YWHAZ: variants seen among roughly 807,000 people sequenced by gnomAD.
YWHAZ encodes tyrosine 3-monooxygenase/tryptophan 5-monooxygenase activation protein zeta, also known as 14-3-3 protein zeta/delta.
For synonymous variants in YWHAZ, 87 were observed against 103.6 expected, an observed-to-expected ratio of 0.84 and a Z score of 0.97; for missense variants, 79 against 284.8, an observed-to-expected ratio of 0.28 and a Z score of 5.20.
intron 2 of YWHAZ, among the ~76,000 whole-genome samples, chr8:100,928,152 C>T (rs777256768): frequency 6.6e-6 from 1 of 151,562 alleles, no homozygotes; most frequent in African/African-American, 2.4e-5. Flanking sequence ...TGGTGGCGGG[C>T]GCCTGTAGTC....
chr8:100,917,468 C>G lies in YWHAZ; in HGVS notation c.*3225G>C, dbSNP rs542728211. On this transcript the variant is annotated 3_prime_UTR_variant, in exon 6 of 6. Coordinates refer to ENST00000395958, the MANE Select transcript of YWHAZ (RefSeq NM_145690.3). ...GGCACAGTGGCTCACGCCTGTAATC[C>G]CAGCACTTTGGGAGGCCGAGGTGGG... 2 of 152,350 alleles carry G rather than the reference C, an allele frequency of 1.3e-5. No individual in the cohort carries two copies. Among genetic ancestry groups the G allele is most frequent in the South Asian group, 2.1e-4 (1 of 4,824 alleles). 9.4% of individuals were successfully genotyped at this position (152,350 alleles called of 1,614,324 possible).
At chr8:100,936,871 C>T (rs1006873491) in intron 2 of YWHAZ, among the ~76,000 whole-genome samples, 1 of 152,008 alleles carries the variant, frequency 6.6e-6, no homozygotes, top group Admixed American at 6.6e-5. Flanking sequence ...TACAAAATAA[C>T]CAGCCAGTAC....
intron 1 of YWHAZ, 138 bp downstream of exon 1, chr8:100,951,791 T>A (rs1269232526): frequency 9.1e-6 from 9 of 985,010 alleles, no homozygotes; most frequent in Non-Finnish European, 1.1e-5. Flanking sequence ...CCGTGTCCGC[T>A]GAGGAGACTC....
chr8:100,945,052 T>C (rs989207441), intron 2 of YWHAZ, among the ~76,000 whole-genome samples: 1 of 152,192 alleles, frequency 6.6e-6, no homozygotes, highest in African/African-American at 2.4e-5. Flanking sequence ...GAGGTACTAG[T>C]GTTGAGTCCC....
At chr8:100,932,879 T>G (rs1813854641) in intron 2 of YWHAZ, among the ~76,000 whole-genome samples, 1 of 152,136 alleles carries the variant, frequency 6.6e-6, no homozygotes, top group South Asian at 2.1e-4. Context: ...AAAAAAAGTC[T>G]TTTTTCTTTT....
chr8:100,944,393 C>T (rs1407673124), intron 2 of YWHAZ, among the ~76,000 whole-genome samples: 1 of 152,112 alleles, frequency 6.6e-6, no homozygotes, highest in African/African-American at 2.4e-5. Context: ...CAAATAAAAA[C>T]GTAGAGCAGC....
chr8:100,920,772 T>C lies in YWHAZ; in HGVS notation c.679-20A>G. 7.6e-7 allele frequency: 1 copy of C among 1,321,746 alleles called. No individual in the cohort carries two copies. The highest frequency in any genetic ancestry group is 1.0e-6 in the Non-Finnish European group (1 of 992,836). The allele number at this position is 1,321,746 out of a possible 1,614,324, so 81.9% of individuals were successfully genotyped here. A position where few individuals can be genotyped will look rare whatever the true frequency, so the allele number is the denominator to read the frequency against. ...CCACAACTGGTAAAAGAAGGAAAGA[T>C]TTTTCAGCAAGTTTCAGTGGGATGG... On this transcript the variant is annotated intron_variant, in intron 5 of 5. Transcript: ENST00000395958.
At chr8:100,940,691 C>T (rs1158348274) in intron 2 of YWHAZ, among the ~76,000 whole-genome samples, 1 of 152,212 alleles carries the variant, frequency 6.6e-6, no homozygotes, top group Admixed American at 6.5e-5. Flanking sequence ...AACACCACCA[C>T]AGGGGTGTGT....
rs569913609 is a variant in YWHAZ, at chr8:100,928,935, A to G, written c.295-3896T>C. On this transcript the variant is annotated intron_variant, in intron 2 of 5. Coordinates refer to ENST00000395958, the MANE Select transcript of YWHAZ (RefSeq NM_145690.3). Reference sequence around the variant, plus strand: ...GCAAGAGGGAAGATTTCTGTTCAGTATGAGAAAACTTATGAGTGGTCCAGT... The same window carrying G: ...GCAAGAGGGAAGATTTCTGTTCAGTGTGAGAAAACTTATGAGTGGTCCAGT... Among the ~76,000 whole-genome samples the G allele has an allele frequency of 3.3e-5, 5 of 152,290 alleles. No individual in the cohort carries two copies. The South Asian group carries it at 8.3e-4, about 25-fold the overall frequency.
At chr8:100,949,142 A>G (rs1318552066) in intron 1 of YWHAZ, among the ~76,000 whole-genome samples, 2 of 152,218 alleles carry the variant, frequency 1.3e-5, no homozygotes, top group East Asian at 1.9e-4. Context: ...AAAACTTAAA[A>G]TTTGTTCAGA....
Position 100,948,059 on chromosome 8 carries a change from T to C in YWHAZ, c.294+537A>G, listed in dbSNP as rs923493705. ...TGTTCATAACCTTTCATCATGGTTG[T>C]GAGTGTTCAAAATTTACCTTCAAGA... On this transcript the variant is annotated intron_variant, in intron 2 of 5. Coordinates refer to ENST00000395958, the MANE Select transcript of YWHAZ (RefSeq NM_145690.3). The surrounding 1 kb of genome is among the most constrained non-coding windows in gnomAD (Gnocchi z 4.2). 4.8e-5 allele frequency: 73 copies of C among 1,522,280 alleles called. No homozygotes were observed. The highest frequency in any genetic ancestry group is 5.7e-5 in the Non-Finnish European group (65 of 1,137,084). The allele number at this position is 1,522,280 out of a possible 1,614,324, so 94.3% of individuals were successfully genotyped here.
intron 2 of YWHAZ, among the ~76,000 whole-genome samples, chr8:100,943,296 A>G (rs933783748): frequency 2.0e-5 from 3 of 152,254 alleles, no homozygotes; most frequent in Admixed American, 2.0e-4. Flanking sequence ...ATGAAATCAC[A>G]ATAGGGAACC....
At chr8:100,951,512 C>G (rs912562904) in intron 1 of YWHAZ, 1 of 985,452 alleles carries the variant, frequency 1.0e-6, no homozygotes, top group African/African-American at 1.7e-5. Flanking sequence ...CGGGCGGAAG[C>G]GAGAAGGGCG....
At chr8:100,920,795 T>TTGGGGGG (rs373030011) in intron 5 of YWHAZ, 43 bp from the exon 6 acceptor site, 26 of 88,774 alleles carry the variant, frequency 2.9e-4, no homozygotes, top group African/African-American at 2.8e-3. Context: ...TTCAGTGGGA[T>TTGGGGGG]GGGGGGGGGG....
At chr8:100,926,176 T>C (rs1376871887) in intron 2 of YWHAZ, among the ~76,000 whole-genome samples, 1 of 150,962 alleles carries the variant, frequency 6.6e-6, no homozygotes, top group Non-Finnish European at 1.5e-5. Flanking sequence ...GGTGAACAGT[T>C]TTAACCCAAC....
chr8:100,941,810 C>CA (rs58294305), intron 2 of YWHAZ, among the ~76,000 whole-genome samples: 1,323 of 113,618 alleles, frequency 0.012, 21 homozygotes, highest in African/African-American at 0.034. Flanking sequence ...CAAAAAACGA[C>CA]AAAAAAAAAA....
At position 100,925,186 on chromosome 8, in the gene YWHAZ, A is replaced by C; in HGVS notation, c.295-147T>G. ...ATACAATTGTGAATGCAGCTGGCAC[A>C]TGAATTTGTGGTTTAAAGCAGAATG... On this transcript the variant is annotated intron_variant, in intron 2 of 5. Transcript: ENST00000395958. 3.5e-6 allele frequency: 3 copies of C among 862,660 alleles called. No homozygotes were observed. The South Asian group carries it at 6.0e-5, about 17-fold the overall frequency. 53.4% of individuals were successfully genotyped at this position (862,660 alleles called of 1,614,324 possible).
In YWHAZ at chr8:100,919,529, A is replaced by G. The variant is rs1812880871; in HGVS notation, c.*1164T>C. 1 of 152,322 alleles carries G rather than the reference A, an allele frequency of 6.6e-6. No homozygotes were observed. The highest frequency in any genetic ancestry group is 2.1e-4 in the South Asian group (1 of 4,834). The allele number at this position is 152,322 out of a possible 1,614,324, so 9.4% of individuals were successfully genotyped here. On this transcript the variant is annotated 3_prime_UTR_variant, in exon 6 of 6. Coordinates refer to ENST00000395958, the MANE Select transcript of YWHAZ (RefSeq NM_145690.3). ...ATCATGGGACATGGAAACAGTAGTT[A>G]TATTAGTAGTATTTTTGTTATGATA... is the stretch of plus-strand genomic sequence containing the variant.
intron 5 of YWHAZ, among the ~76,000 whole-genome samples, chr8:100,921,386 A>G (rs774374523): frequency 1.7e-3 from 253 of 152,266 alleles, no homozygotes; most frequent in Admixed American, 2.9e-3. Flanking sequence ...AAGAGCCCCA[A>G]TATGAAAGAT....
Sources: gnomAD v4.1 joint callset for allele counts (sites outside exome capture counted in the v4.1 genomes callset) on GRCh38, gnomAD v4.1.1 for gene constraint, Gnocchi (gnomAD v3.1) non-coding constraint, MANE v1.5 for transcripts, NCBI Gene and HGNC (gene_info 2026-07-23, HGNC 2026-07-21) for gene names.